GABRA3: variants seen among roughly 807,000 people sequenced by gnomAD.
The protein encoded by GABRA3 is gamma-aminobutyric acid receptor subunit alpha-3.
In GABRA3, 10 loss-of-function variants were observed where a neutral mutation model predicts 30.1. The observed-to-expected ratio is 0.33, with a 90% CI of 0.20 to 0.56. The LOEUF is 0.56. Ranked by LOEUF, GABRA3 falls within the 20% of genes least tolerant of loss-of-function variation. The pLI is 0.89. For synonymous variants in GABRA3, 151 were observed against 146.8 expected, an observed-to-expected ratio of 1.03 and a Z score of -0.21; for missense variants, 233 against 392.0, an observed-to-expected ratio of 0.59 and a Z score of 3.42.
At chrX:152,351,802 C>T (rs146277681) in intron 2 of GABRA3, among the ~76,000 whole-genome samples, 164 of 111,093 alleles carry the variant, frequency 1.5e-3, no homozygotes, top group African/African-American at 4.7e-3. Context: ...AAGTGAGAGC[C>T]ATGTAAATTT....
At chrX:152,391,140 G>A (rs73626649) in intron 1 of GABRA3, among the ~76,000 whole-genome samples, 3,745 of 111,566 alleles carry the variant, frequency 0.034, 167 homozygotes, top group African/African-American at 0.11. Flanking sequence ...CTGACATTCA[G>A]GATGGCAGAA....
intron 3 of GABRA3, among the ~76,000 whole-genome samples, chrX:152,304,803 T>A (rs1347712913): frequency 1.8e-5 from 2 of 111,961 alleles, no homozygotes; most frequent in Non-Finnish European, 3.8e-5. Context: ...TTGTTGTTGT[T>A]CTGTATGAAT....
At chrX:152,328,591 A>T (rs1295781303) in intron 3 of GABRA3, among the ~76,000 whole-genome samples, 1 of 112,133 alleles carries the variant, frequency 8.9e-6, no homozygotes, top group Non-Finnish European at 1.9e-5. Context: ...AGAACCAAAG[A>T]CAAAAACCAC....
At chrX:152,320,741 A>C (rs1939950721) in intron 3 of GABRA3, among the ~76,000 whole-genome samples, 1 of 111,541 alleles carries the variant, frequency 9.0e-6, no homozygotes, top group African/African-American at 3.3e-5. Flanking sequence ...CTAAAAAACA[A>C]AAAAAATAAA....
At chrX:152,367,575 A>G (rs1019933940) in intron 1 of GABRA3, among the ~76,000 whole-genome samples, 5 of 111,602 alleles carry the variant, frequency 4.5e-5, no homozygotes, top group African/African-American at 1.6e-4. Context: ...TCGAATCCAT[A>G]TATGTATCTA....
intron 1 of GABRA3, among the ~76,000 whole-genome samples, chrX:152,402,129 C>T (rs955030645): frequency 8.9e-6 from 1 of 111,965 alleles, no homozygotes; most frequent in Non-Finnish European, 1.9e-5. Context: ...TTCATATGTC[C>T]AAATGAAGAA....
chrX:152,330,103 C>G (rs1168808983), intron 3 of GABRA3, among the ~76,000 whole-genome samples: 1 of 112,080 alleles, frequency 8.9e-6, no homozygotes, highest in Non-Finnish European at 1.9e-5. Context: ...AAAAAATGCT[C>G]ATCATCACTG....
intron 5 of GABRA3, among the ~76,000 whole-genome samples, chrX:152,244,306 A>G (rs1938427769): frequency 8.9e-6 from 1 of 111,845 alleles, no homozygotes; most frequent in Admixed American, 9.5e-5. Context: ...GTCCCCCTGA[A>G]ATTAAAATGT....
intron 4 of GABRA3, among the ~76,000 whole-genome samples, chrX:152,267,150 T>A (rs915027337): frequency 8.9e-6 from 1 of 112,297 alleles, no homozygotes; most frequent in Admixed American, 9.4e-5. Context: ...TGTGGGTTTG[T>A]CATATACGAG....
At chrX:152,243,440 A>C (rs994420695) in intron 5 of GABRA3, among the ~76,000 whole-genome samples, 1 of 112,101 alleles carries the variant, frequency 8.9e-6, no homozygotes, top group African/African-American at 3.2e-5. Flanking sequence ...ATTCTGTTGT[A>C]CACCATAAAT....
At chrX:152,255,704 T>C in intron 5 of GABRA3, 74 bp downstream of exon 5, 1 of 900,627 alleles carries the variant, frequency 1.1e-6, no homozygotes, top group Non-Finnish European at 1.6e-6. Flanking sequence ...TTTCAATGGA[T>C]ACTCTAAAAC....
At chrX:152,393,623 C>G (rs1929557828) in intron 1 of GABRA3, 2 of 244,316 alleles carry the variant, frequency 8.2e-6, no homozygotes, top group South Asian at 9.4e-5. Flanking sequence ...ATGAATACAA[C>G]TTATTTAGGC....
Position 152,450,837 on chromosome X carries a change from T to C in GABRA3, c.-27+309A>G, listed in dbSNP as rs747297492. 1.4e-3 allele frequency among the ~76,000 whole-genome samples: 161 copies of C among 112,619 alleles called. 1 individual carries two copies. Among genetic ancestry groups the C allele is most frequent in the Non-Finnish European group, 2.0e-3 (109 of 53,222 alleles). ...CAGCTGCTGGGGCCCCCCAAGCAATTTGCAAGGTCAGTGCTGACCTGCTTC... is the reference window on the plus strand; with the variant it reads ...CAGCTGCTGGGGCCCCCCAAGCAATCTGCAAGGTCAGTGCTGACCTGCTTC... On this transcript the variant is annotated intron_variant, in intron 1 of 9. Transcript: ENST00000370314.
intron 1 of GABRA3, among the ~76,000 whole-genome samples, chrX:152,382,518 A>G (rs1389828471): frequency 8.9e-6 from 1 of 112,134 alleles, no homozygotes; most frequent in Non-Finnish European, 1.9e-5. Context: ...AGACTTTTTA[A>G]TTTGATGGCA....
At chrX:152,215,658 G>A (rs1937707022) in intron 6 of GABRA3, among the ~76,000 whole-genome samples, 1 of 111,190 alleles carries the variant, frequency 9.0e-6, no homozygotes, top group Admixed American at 9.6e-5. Flanking sequence ...AGAAAATGTA[G>A]GGGAAATTCT....
In GABRA3 at chrX:152,283,090, G is replaced by T. The variant is rs982509344; in HGVS notation, c.330+1578C>A. Among the ~76,000 whole-genome samples, 7 of 111,520 alleles carry T rather than the reference G, an allele frequency of 6.3e-5. 1 individual carries two copies. The highest frequency in any genetic ancestry group is 5.8e-4 in the Admixed American group (6 of 10,427). On this transcript the variant is annotated intron_variant, in intron 4 of 9. Transcript: ENST00000370314. ...CCTAGAGCCTTTAATGCATAGTTGG[G>T]CTCGTAAGGAGTACTTGTTGAATGG...
At chrX:152,413,386 C>T (rs1205392713) in intron 1 of GABRA3, among the ~76,000 whole-genome samples, 1 of 111,225 alleles carries the variant, frequency 9.0e-6, no homozygotes, top group Non-Finnish European at 1.9e-5. Flanking sequence ...GGCAAATATC[C>T]TTCATGAATA....
In GABRA3 at chrX:152,322,844, C is replaced by CTT. The variant is rs1172827692; in HGVS notation, c.262+22735_262+22736dup. On this transcript the variant is annotated intron_variant, in intron 3 of 9. Coordinates refer to ENST00000370314, the MANE Select transcript of GABRA3 (RefSeq NM_000808.4). ...CCACTGCACCAGGCCAAAGTCTACT[C>CTT]TTTTTTTTTTTTTTTTTTTTTTTTT... Among the ~76,000 whole-genome samples, 230 of 61,276 alleles carry CTT rather than the reference C, an allele frequency of 3.8e-3. 38 individuals carry two copies. Among genetic ancestry groups the CTT allele is most frequent in the African/African-American group, 9.6e-3 (134 of 14,009 alleles). The allele number at this position is 61,276 out of a possible 115,157, so 53.2% of individuals were successfully genotyped here. A position where few individuals can be genotyped will look rare whatever the true frequency, so the allele number is the denominator to read the frequency against.
chrX:152,332,936 C>A (rs1940185322), intron 3 of GABRA3, among the ~76,000 whole-genome samples: 1 of 112,254 alleles, frequency 8.9e-6, no homozygotes. Context: ...CTGAAAATTT[C>A]TTCCTAATGG....
Sources: gnomAD v4.1 joint callset for allele counts (sites outside exome capture counted in the v4.1 genomes callset) on GRCh38, gnomAD v4.1.1 for gene constraint, MANE v1.5 for transcripts, NCBI Gene and HGNC (gene_info 2026-07-23, HGNC 2026-07-21) for gene names.